Variants in SOX6 observed in about 807,000 individuals in gnomAD.
SOX6 encodes the protein transcription factor SOX-6.
In SOX6, 11 loss-of-function variants were observed where a neutral mutation model predicts 97.8. The ratio of observed to expected loss-of-function variants is 0.11; its 90% CI spans 0.07 to 0.19. SOX6 has a LOEUF of 0.19. Among genes scored for constraint, SOX6 ranks in the 10% least tolerant of loss-of-function variants. The pLI is 1.00. For missense variants in SOX6, 810 were observed against 1,039.5 expected (o/e 0.78, Z 3.04); for synonymous variants, 360 against 371.4 (o/e 0.97, Z 0.35).
rs11500030 is a variant in SOX6, at chr11:16,731,580, T to C, written n.353+4759A>G. ...CTAAAAACTCTCAATAAATTAGATA[T>C]TGATGGAATGTATCTCAAAATAATA... On this transcript the variant is annotated intron_variant and non_coding_transcript_variant, in intron 2 of 5. Transcript: ENST00000524520. Among the ~76,000 whole-genome samples, 433 of 152,294 alleles carry C rather than the reference T, an allele frequency of 2.8e-3. 6 individuals carry two copies. The highest frequency in any genetic ancestry group is 9.9e-3 in the African/African-American group (410 of 41,556).
intron 12 of SOX6, among the ~76,000 whole-genome samples, chr11:16,021,307 ACTTT>A (rs1376565331): frequency 1.3e-5 from 2 of 152,150 alleles, no homozygotes; most frequent in Non-Finnish European, 2.9e-5. Flanking sequence ...ACTCTGAATG[ACTTT>A]CTTTAATTCC....
chr11:16,218,427 T>C (rs1852435202), intron 4 of SOX6, among the ~76,000 whole-genome samples: 3 of 152,134 alleles, frequency 2.0e-5, no homozygotes, highest in Admixed American at 2.0e-4. Context: ...GAACTTAACA[T>C]TTTAAAATTC....
intron 1 of SOX6, among the ~76,000 whole-genome samples, chr11:16,346,242 C>A (rs1856773263): frequency 6.6e-6 from 1 of 152,018 alleles, no homozygotes; most frequent in South Asian, 2.1e-4. Flanking sequence ...AAATATATCA[C>A]AGTGCCTCTC....
chr11:16,155,323 A>G (rs1345098540), intron 6 of SOX6, among the ~76,000 whole-genome samples: 1 of 152,126 alleles, frequency 6.6e-6, no homozygotes, highest in Non-Finnish European at 1.5e-5. Flanking sequence ...CCTTGGACAA[A>G]TTATTTAACC....
intron 4 of SOX6, among the ~76,000 whole-genome samples, chr11:16,583,797 C>T (rs1444191983): frequency 6.6e-6 from 1 of 151,384 alleles, no homozygotes; most frequent in Admixed American, 6.6e-5. Context: ...ATTGCTGGAT[C>T]ATATGGTAGT....
At chr11:16,586,119 A>C (rs1252074407) in intron 4 of SOX6, among the ~76,000 whole-genome samples, 1 of 152,240 alleles carries the variant, frequency 6.6e-6, no homozygotes, top group Non-Finnish European at 1.5e-5. Flanking sequence ...GAATTTAAGC[A>C]TCTATATCTA....
intron 4 of SOX6, among the ~76,000 whole-genome samples, chr11:16,560,523 ACG>A (rs1361271097): frequency 2.4e-5 from 3 of 126,166 alleles, no homozygotes; most frequent in African/African-American, 5.6e-5. Context: ...ATATGTTTAT[ACG>A]TACATATATG....
intron 3 of SOX6, among the ~76,000 whole-genome samples, chr11:16,294,723 GA>G (rs1485690628): frequency 6.6e-6 from 1 of 151,810 alleles, no homozygotes; most frequent in Non-Finnish European, 1.5e-5. Context: ...TTTAAACACT[GA>G]AAAAAATTGT....
At chr11:16,052,603 T>C (rs1312543564) in intron 10 of SOX6, among the ~76,000 whole-genome samples, 1 of 152,212 alleles carries the variant, frequency 6.6e-6, no homozygotes, top group East Asian at 1.9e-4. Flanking sequence ...ATTTTTCTCA[T>C]TATTCATATA....
chr11:16,621,720 T>C (rs1848547731), intron 3 of SOX6, among the ~76,000 whole-genome samples: 1 of 152,192 alleles, frequency 6.6e-6, no homozygotes, highest in Admixed American at 6.5e-5. Context: ...TGGTGTCCTA[T>C]AGCATATCTA....
chr11:16,426,841 G>C (rs9665965), intron 1 of SOX6, among the ~76,000 whole-genome samples: 4 of 144,054 alleles, frequency 2.8e-5, no homozygotes, highest in African/African-American at 5.1e-5. Context: ...GTGAACCCGG[G>C]AGGCGGAGCT....
chr11:16,027,766 G>T (rs144068133), intron 12 of SOX6, among the ~76,000 whole-genome samples: 1 of 152,212 alleles, frequency 6.6e-6, no homozygotes, highest in African/African-American at 2.4e-5. Flanking sequence ...AGAGGGGCAC[G>T]TGTGGGAACA....
intron 12 of SOX6, among the ~76,000 whole-genome samples, chr11:16,044,009 C>T (rs1357410542): frequency 1.3e-5 from 2 of 152,170 alleles, no homozygotes; most frequent in Non-Finnish European, 2.9e-5. Flanking sequence ...GTTGAGACTG[C>T]ACCAGAGTAC....
intron 4 of SOX6, among the ~76,000 whole-genome samples, chr11:16,531,375 T>C (rs894605646): frequency 5.3e-5 from 8 of 151,774 alleles, no homozygotes; most frequent in Admixed American, 4.6e-4. Context: ...TGGACCCATA[T>C]ATACATTTAT....
intron 2 of SOX6, among the ~76,000 whole-genome samples, chr11:16,724,940 G>T (rs989233271): frequency 5.3e-5 from 8 of 152,130 alleles, no homozygotes; most frequent in African/African-American, 1.9e-4. Context: ...AGCCACTTTG[G>T]AAAACAGTCT....
intron 8 of SOX6, among the ~76,000 whole-genome samples, 199 bp downstream of exon 8, chr11:16,097,410 T>G (rs542704809): frequency 2.6e-4 from 39 of 152,054 alleles, no homozygotes; most frequent in Admixed American, 2.5e-3. Context: ...AGTCCTAATG[T>G]GATCTTTTCC....
At chr11:16,400,097 T>C (rs1183234950) in intron 1 of SOX6, among the ~76,000 whole-genome samples, 3 of 151,564 alleles carry the variant, frequency 2.0e-5, no homozygotes, top group Non-Finnish European at 3.0e-5. Context: ...ACATGTTTAA[T>C]GGTCTAGGCA....
chr11:16,088,548 A>C (rs1243569695), intron 9 of SOX6, among the ~76,000 whole-genome samples: 1 of 152,132 alleles, frequency 6.6e-6, no homozygotes, highest in African/African-American at 2.4e-5. Context: ...CATAGTTGGA[A>C]TCATGTAGTA....
chr11:16,459,636 G>A (rs1377697473), intron 1 of SOX6, among the ~76,000 whole-genome samples: 1 of 151,992 alleles, frequency 6.6e-6, no homozygotes, highest in Non-Finnish European at 1.5e-5. Context: ...TATTTTTAAA[G>A]ATTCAAGTTG....
Sources: gnomAD v4.1 joint callset for allele counts (sites outside exome capture counted in the v4.1 genomes callset) on GRCh38, gnomAD v4.1.1 for gene constraint, MANE v1.5 for transcripts, NCBI Gene and HGNC (gene_info 2026-07-23, HGNC 2026-07-21) for gene names.